The following PTK2 variants were observed in gnomAD, a reference collection of about 807,000 sequenced individuals.
PTK2 encodes the protein protein tyrosine kinase 2.
A neutral mutation model predicts 150.1 loss-of-function variants in PTK2; 45 were observed. The observed-to-expected ratio is 0.30, with a 90% CI of 0.24 to 0.38. The LOEUF is 0.38. PTK2 is among the 10% of genes least tolerant of loss of function. PTK2 has a pLI of 1.00. For missense variants in PTK2, 919 were observed against 1,307.3 expected (o/e 0.70, Z 4.58); for synonymous variants, 432 against 449.2 (o/e 0.96, Z 0.48).
intron 31 of PTK2, among the ~76,000 whole-genome samples, chr8:140,661,205 A>C (rs766227782): frequency 6.6e-6 from 1 of 152,192 alleles, no homozygotes; most frequent in African/African-American, 2.4e-5. Flanking sequence ...GATTTTTAAG[A>C]AGGAGAATGA....
At chr8:140,888,196 T>C (rs1010802807) in intron 3 of PTK2, among the ~76,000 whole-genome samples, 1 of 152,244 alleles carries the variant, frequency 6.6e-6, no homozygotes, top group Non-Finnish European at 1.5e-5. Context: ...ATACTCTGTA[T>C]CCATAATGTT....
chr8:140,853,233 C>T (rs577690561), intron 5 of PTK2, among the ~76,000 whole-genome samples: 210 of 151,642 alleles, frequency 1.4e-3, no homozygotes, highest in African/African-American at 4.8e-3. Flanking sequence ...GGTACATGTG[C>T]ACAATATGCA....
intron 26 of PTK2, among the ~76,000 whole-genome samples, chr8:140,697,709 A>ACAGTCTTTTTTT (rs1198747629): frequency 4.6e-5 from 7 of 152,016 alleles, no homozygotes; most frequent in Admixed American, 3.3e-4. Context: ...CCCAGCCAGA[A>ACAGTCTTTTTTT]CAGTCTTTTT....
rs376096046 is a variant in PTK2 at position 140,691,387 on chromosome 8, T to G, written c.2500-4693A>C. Among the ~76,000 whole-genome samples the G allele has an allele frequency of 1.1e-4, 16 of 152,348 alleles. No individual in the cohort carries two copies. The East Asian group carries it at 1.3e-3, about 13-fold the overall frequency. On this transcript the variant is annotated intron_variant, in intron 26 of 31. Coordinates refer to ENST00000522684, the Ensembl canonical transcript of PTK2. ...TTTTCATCTATGTAGCAATATGTGA[T>G]AGCATTTCTCTCACTGTACCCTAAC... is the stretch of plus-strand genomic sequence containing the variant.
chr8:140,769,693 G>A, intron 14 of PTK2, 101 bp from the exon 16 acceptor site: 1 of 720,806 alleles, frequency 1.4e-6, no homozygotes. Context: ...CTATTAAAAT[G>A]ACAAGTAAAC....
intron 31 of PTK2, among the ~76,000 whole-genome samples, chr8:140,662,141 TAAAG>T (rs2081255354): frequency 6.6e-6 from 1 of 151,810 alleles, no homozygotes; most frequent in Admixed American, 6.6e-5. Flanking sequence ...TACAAAAAAA[TAAAG>T]AATTAGCTGG....
At chr8:140,976,321 A>G (rs2100189247) in intron 1 of PTK2, among the ~76,000 whole-genome samples, 1 of 152,254 alleles carries the variant, frequency 6.6e-6, no homozygotes, top group Admixed American at 6.5e-5. Context: ...CAGGAGACAG[A>G]TAAAATTTAA....
intron 1 of PTK2, among the ~76,000 whole-genome samples, chr8:141,000,356 G>A (rs2100199634): frequency 6.6e-6 from 1 of 152,224 alleles, no homozygotes; most frequent in Non-Finnish European, 1.5e-5. Flanking sequence ...CGGGGACACG[G>A]CGGGCTTGGG....
intron 14 of PTK2, among the ~76,000 whole-genome samples, chr8:140,774,323 A>G (rs1165288547): frequency 2.6e-5 from 4 of 152,202 alleles, no homozygotes; most frequent in African/African-American, 4.8e-5. Flanking sequence ...GTGAATGGTT[A>G]TAACTGCAGA....
intron 20 of PTK2, among the ~76,000 whole-genome samples, chr8:140,742,718 T>C (rs2100056465): frequency 6.6e-6 from 1 of 152,232 alleles, no homozygotes; most frequent in African/African-American, 2.4e-5. Context: ...GTGTCATTTT[T>C]ACTAAGTTTT....
chr8:140,705,846 T>C (rs1003492444), intron 24 of PTK2, among the ~76,000 whole-genome samples: 3 of 152,210 alleles, frequency 2.0e-5, no homozygotes, highest in Non-Finnish European at 4.4e-5. Context: ...TGGCTTCACC[T>C]TGCCCTTTAC....
chr8:140,846,186 G>C (rs2100125324), intron 7 of PTK2, 74 bp downstream of exon 7: 7 of 1,202,948 alleles, frequency 5.8e-6, no homozygotes, highest in African/African-American at 4.7e-5. Flanking sequence ...TTCAGAATCA[G>C]TATTTAATTT....
intron 1 of PTK2, among the ~76,000 whole-genome samples, chr8:140,995,092 A>G (rs1203418684): frequency 6.6e-6 from 1 of 151,492 alleles, no homozygotes; most frequent in African/African-American, 2.4e-5. Flanking sequence ...TCAAAAAAAA[A>G]AAAAAAAGGA....
At chr8:140,676,080 A>G (rs893658781) in intron 27 of PTK2, among the ~76,000 whole-genome samples, 1 of 152,244 alleles carries the variant, frequency 6.6e-6, no homozygotes, top group African/African-American at 2.4e-5. Context: ...TTTAACCACA[A>G]AAAAGAATAC....
chr8:140,849,907 A>G (rs1370678300), intron 5 of PTK2, among the ~76,000 whole-genome samples: 3 of 152,190 alleles, frequency 2.0e-5, no homozygotes, highest in Non-Finnish European at 1.5e-5. Context: ...CAACTCTTTC[A>G]CAGTGCAGTC....
chr8:140,751,095 G>A (rs2154518675), intron 17 of PTK2, among the ~76,000 whole-genome samples: 1 of 152,048 alleles, frequency 6.6e-6, no homozygotes, highest in South Asian at 2.1e-4. Flanking sequence ...AAAAAGATAA[G>A]TGTTTCTAGC....
intron 1 of PTK2, among the ~76,000 whole-genome samples, chr8:140,928,271 T>C (rs1672661534): frequency 6.6e-6 from 1 of 152,076 alleles, no homozygotes; most frequent in Non-Finnish European, 1.5e-5. Context: ...CTAACACCCA[T>C]TATAATAGCT....
intron 26 of PTK2, among the ~76,000 whole-genome samples, chr8:140,691,260 T>C (rs1391025355): frequency 6.6e-6 from 1 of 152,030 alleles, no homozygotes; most frequent in Non-Finnish European, 1.5e-5. Flanking sequence ...GTGATCTTCC[T>C]GTCTCTGGAG....
At chr8:140,768,808 C>T (rs181654044) in intron 14 of PTK2, among the ~76,000 whole-genome samples, 31 of 152,252 alleles carry the variant, frequency 2.0e-4, no homozygotes, top group African/African-American at 3.4e-4. Flanking sequence ...GTGAAAAACA[C>T]GCACTTTTAA....
Sources: gnomAD v4.1 joint callset for allele counts (sites outside exome capture counted in the v4.1 genomes callset) on GRCh38, gnomAD v4.1.1 for gene constraint, MANE v1.5 for transcripts, NCBI Gene and HGNC (gene_info 2026-07-23, HGNC 2026-07-21) for gene names.